KCNB2: variants seen among roughly 807,000 people sequenced by gnomAD.
KCNB2 encodes the protein delayed rectifier potassium channel protein.
In KCNB2, 15 loss-of-function variants were observed where a neutral mutation model predicts 61.5. The observed-to-expected ratio is 0.24, with a 90% confidence interval of 0.16 to 0.38. The LOEUF is 0.38. Ranked by LOEUF, KCNB2 falls within the 10% of genes least tolerant of loss-of-function variation. The pLI is 1.00. For missense variants in KCNB2, 828 were observed against 1,125.2 expected, an observed-to-expected ratio of 0.74 and a Z score of 3.78; for synonymous variants, 457 against 446.0, an observed-to-expected ratio of 1.02 and a Z score of -0.31.
intron 2 of KCNB2, among the ~76,000 whole-genome samples, chr8:72,828,984 C>T (rs906065065): frequency 6.6e-6 from 1 of 152,142 alleles, no homozygotes; most frequent in Non-Finnish European, 1.5e-5. Flanking sequence ...CGTTAGGCTT[C>T]TCTGTTGGGC....
At chr8:72,888,613 A>T (rs1183216021) in intron 2 of KCNB2, among the ~76,000 whole-genome samples, 1 of 152,334 alleles carries the variant, frequency 6.6e-6, no homozygotes, top group East Asian at 1.9e-4. Context: ...TTCCATAAAC[A>T]TAAAGGTAAA....
At chr8:72,630,798 C>A (rs1300452563) in intron 2 of KCNB2, among the ~76,000 whole-genome samples, 1 of 152,146 alleles carries the variant, frequency 6.6e-6, no homozygotes, top group Non-Finnish European at 1.5e-5. Flanking sequence ...TACTAGCATG[C>A]ATTTTTTTTG....
chr8:72,604,617 A>T (rs1029482944), intron 2 of KCNB2, among the ~76,000 whole-genome samples: 2 of 152,220 alleles, frequency 1.3e-5, no homozygotes, highest in Non-Finnish European at 2.9e-5. Flanking sequence ...AAATCACCTA[A>T]TGAAGTGTCA....
intron 2 of KCNB2, among the ~76,000 whole-genome samples, chr8:72,707,945 G>A (rs1807259986): frequency 1.3e-5 from 2 of 152,202 alleles, no homozygotes; most frequent in Non-Finnish European, 2.9e-5. Flanking sequence ...GTGGTGTTTA[G>A]TTGCTCTCTT....
chr8:72,834,472 TC>T (rs1809747975), intron 2 of KCNB2, among the ~76,000 whole-genome samples: 1 of 152,180 alleles, frequency 6.6e-6, no homozygotes, highest in African/African-American at 2.4e-5. Flanking sequence ...GAGACACCAT[TC>T]CCAAGGACTC....
chr8:72,713,792 G>A (rs1253024877), intron 2 of KCNB2, among the ~76,000 whole-genome samples: 2 of 152,156 alleles, frequency 1.3e-5, no homozygotes, highest in Non-Finnish European at 2.9e-5. Context: ...CACCAGCAAT[G>A]GAACAAAGCT....
At chr8:72,579,003 C>T (rs1457844749) in intron 2 of KCNB2, among the ~76,000 whole-genome samples, 1 of 152,176 alleles carries the variant, frequency 6.6e-6, no homozygotes, top group Non-Finnish European at 1.5e-5. Flanking sequence ...CACCATATTG[C>T]CACCAATGGG....
chr8:72,937,963 G>T lies in KCNB2; in HGVS notation c.2608G>T (p.Ala870Ser). 1 of 1,614,112 alleles carries T rather than the reference G, an allele frequency of 6.2e-7. No homozygotes were observed. The highest frequency in any genetic ancestry group is 2.2e-5 in the East Asian group (1 of 44,872). Residue 870 changes from alanine (A) to serine (S), a missense_variant, in exon 3 of 3, where the codon GCT becomes TCT. Ala to Ser is a moderately conservative substitution (Grantham distance 99). Transcript: ENST00000523207. ...CAACTGTAGGCAAGACATTTACCATGCTGTGAGTGAAGTCAAAAAGGACAG... is the reference window on the plus strand; with the variant it reads ...CAACTGTAGGCAAGACATTTACCATTCTGTGAGTGAAGTCAAAAAGGACAG... ...GHNCRQDIYH[A>S]VSEVKKDSSQ...
chr8:72,592,129 C>T (rs147996373), intron 2 of KCNB2, among the ~76,000 whole-genome samples: 254 of 152,232 alleles, frequency 1.7e-3, no homozygotes, highest in Non-Finnish European at 2.3e-3. Flanking sequence ...GATTATTCAT[C>T]TGCTTCATGC....
intron 2 of KCNB2, among the ~76,000 whole-genome samples, chr8:72,731,016 T>C (rs1192249062): frequency 6.6e-6 from 1 of 152,214 alleles, no homozygotes; most frequent in Non-Finnish European, 1.5e-5. Flanking sequence ...TTCTGTTGTG[T>C]GTCATTTCAC....
Position 72,938,195 on chromosome 8 carries a change from C to T in KCNB2, c.*104C>T. 2.2e-6 allele frequency: 2 copies of T among 907,330 alleles called. No homozygotes were observed. Among genetic ancestry groups the T allele is most frequent in the African/African-American group, 3.4e-5 (2 of 59,314 alleles). 56.2% of individuals were successfully genotyped at this position (907,330 alleles called of 1,614,324 possible). A position where few individuals can be genotyped will look rare whatever the true frequency, so the allele number is the denominator to read the frequency against. On this transcript the variant is annotated 3_prime_UTR_variant, in exon 3 of 3. Transcript: ENST00000523207. ...GTGAACTAAAAAAATGGGAAGCCCT[C>T]CCCAAAAAAAGTGCATAAAATGTTA...
intron 2 of KCNB2, among the ~76,000 whole-genome samples, chr8:72,741,098 A>C (rs563895723): frequency 6.6e-6 from 1 of 152,258 alleles, no homozygotes; most frequent in African/African-American, 2.4e-5. Flanking sequence ...TTTTCTATAT[A>C]TCCCTTTTTG....
chr8:72,679,312 C>T (rs1402054358), intron 2 of KCNB2, among the ~76,000 whole-genome samples: 1 of 152,220 alleles, frequency 6.6e-6, no homozygotes, highest in Non-Finnish European at 1.5e-5. Flanking sequence ...CACAGACTCA[C>T]ATAAGGCAAG....
intron 2 of KCNB2, among the ~76,000 whole-genome samples, chr8:72,870,890 T>A (rs1050864422): frequency 4.6e-5 from 7 of 152,102 alleles, no homozygotes; most frequent in Admixed American, 1.3e-4. Context: ...GGTGAGAGGA[T>A]CACTTGAGCC....
chr8:72,822,755 C>G (rs1273831111), intron 2 of KCNB2, among the ~76,000 whole-genome samples: 1 of 152,190 alleles, frequency 6.6e-6, no homozygotes, highest in African/African-American at 2.4e-5. Context: ...ATAGGGTTCT[C>G]CAAATTCAGA....
chr8:72,906,601 A>T (rs575217670), intron 2 of KCNB2, among the ~76,000 whole-genome samples: 2 of 152,316 alleles, frequency 1.3e-5, no homozygotes, highest in East Asian at 3.9e-4. Flanking sequence ...GTTGGTTTGC[A>T]AATTAACGTG....
chr8:72,725,563 ATG>A (rs1554587055), intron 2 of KCNB2, among the ~76,000 whole-genome samples: 46,200 of 88,494 alleles, frequency 0.52, 11,995 homozygotes, highest in Non-Finnish European at 0.58. Flanking sequence ...ATATGTATAT[ATG>A]TATATATATG....
chr8:72,923,752 G>T (rs1427795930), intron 2 of KCNB2, among the ~76,000 whole-genome samples: 1 of 152,134 alleles, frequency 6.6e-6, no homozygotes, highest in African/African-American at 2.4e-5. Flanking sequence ...AATTACATAA[G>T]AAAGGAGGCA....
chr8:72,925,041 G>A (rs1472651353), intron 2 of KCNB2, among the ~76,000 whole-genome samples: 1 of 152,164 alleles, frequency 6.6e-6, no homozygotes, highest in African/African-American at 2.4e-5. Context: ...TCTTAATGAT[G>A]CTGACCCCAA....
Sources: allele counts gnomAD v4.1 joint callset (sites outside exome capture counted in the v4.1 genomes callset), GRCh38; gene constraint gnomAD v4.1.1; transcripts MANE v1.5; gene names NCBI Gene and HGNC (gene_info 2026-07-23, HGNC 2026-07-21).